DPP10: variants seen among roughly 807,000 people sequenced by gnomAD.
DPP10 encodes the protein dipeptidyl peptidase like 10, also known as inactive dipeptidyl peptidase 10.
DPP10 carries 33 observed loss-of-function variants against 120.9 expected under a neutral mutation model. The ratio of observed to expected loss-of-function variants is 0.27; its 90% CI spans 0.21 to 0.37. The LOEUF (loss-of-function observed/expected upper bound fraction) is 0.37, where lower values mean the gene tolerates loss of function less well. Among genes scored for constraint, DPP10 ranks in the 10% least tolerant of loss-of-function variants. DPP10 has a pLI of 1.00. For synonymous variants in DPP10, 337 were observed against 326.1 expected, an observed-to-expected ratio of 1.03 and a Z score of -0.36; for missense variants, 816 against 942.8, an observed-to-expected ratio of 0.87 and a Z score of 1.76.
intron 1 of DPP10, among the ~76,000 whole-genome samples, chr2:114,648,021 A>G (rs1558965137): frequency 6.6e-6 from 1 of 152,158 alleles, no homozygotes; most frequent in Non-Finnish European, 1.5e-5. Context: ...TATAACCATG[A>G]AATGTCTCCC....
chr2:114,665,669 T>G (rs1444015003), intron 1 of DPP10, among the ~76,000 whole-genome samples: 3 of 152,218 alleles, frequency 2.0e-5, no homozygotes, highest in African/African-American at 7.2e-5. Flanking sequence ...CTAATATTGT[T>G]ATTGTAAACT....
intron 7 of DPP10, among the ~76,000 whole-genome samples, chr2:115,727,549 G>C (rs2092795652): frequency 5.9e-5 from 9 of 152,078 alleles, no homozygotes; most frequent in Admixed American, 5.9e-4. Flanking sequence ...TTATTAAGTA[G>C]TTGAAATATT....
At chr2:115,062,353 A>G (rs1706485253) in intron 1 of DPP10, among the ~76,000 whole-genome samples, 1 of 152,208 alleles carries the variant, frequency 6.6e-6, no homozygotes, top group South Asian at 2.1e-4. Flanking sequence ...CATTTTAAAA[A>G]TAAGTTACAC....
intron 1 of DPP10, among the ~76,000 whole-genome samples, chr2:115,271,433 C>G (rs186372091): frequency 6.6e-6 from 1 of 152,148 alleles, no homozygotes; most frequent in Non-Finnish European, 1.5e-5. Flanking sequence ...AAACTGACTT[C>G]TAGAGTCTTT....
intron 1 of DPP10, among the ~76,000 whole-genome samples, chr2:115,071,037 T>C (rs941940815): frequency 1.3e-5 from 2 of 152,216 alleles, no homozygotes; most frequent in Non-Finnish European, 2.9e-5. Context: ...ATGTTGCAAT[T>C]AAATGTCTAT....
At chr2:114,614,686 C>A (rs1461628507) in intron 1 of DPP10, among the ~76,000 whole-genome samples, 1 of 152,086 alleles carries the variant, frequency 6.6e-6, no homozygotes, top group East Asian at 1.9e-4. Context: ...CGGGATACTC[C>A]GGGAAGTTCC....
intron 1 of DPP10, among the ~76,000 whole-genome samples, chr2:115,172,180 A>T (rs1177255367): frequency 1.3e-5 from 2 of 152,180 alleles, no homozygotes; most frequent in African/African-American, 2.4e-5. Flanking sequence ...TTCTTGGGAC[A>T]TTAATGGAAA....
chr2:114,982,809 G>A (rs1700170423), intron 1 of DPP10, among the ~76,000 whole-genome samples: 1 of 150,852 alleles, frequency 6.6e-6, no homozygotes, highest in Admixed American at 6.6e-5. Context: ...GTTTCGCCAT[G>A]TTGCCCAGGC....
At chr2:114,588,063 T>C (rs1303785376) in intron 1 of DPP10, among the ~76,000 whole-genome samples, 1 of 152,240 alleles carries the variant, frequency 6.6e-6, no homozygotes, top group Non-Finnish European at 1.5e-5. Flanking sequence ...CAAAATAATA[T>C]ACTGCTGACT....
intron 19 of DPP10, among the ~76,000 whole-genome samples, chr2:115,813,990 A>G (rs1559190484): frequency 6.6e-6 from 1 of 152,192 alleles, no homozygotes; most frequent in Non-Finnish European, 1.5e-5. Flanking sequence ...TAGATATTCT[A>G]TGTGATTGTT....
rs1688188228 is a variant in DPP10 at position 115,825,198 on chromosome 2, C to T, written c.1950+9469C>T. ...TCTTTGATTATAAGCATGCATTCCACCTTTCTACCTCAGTGTCTTTGTTCA... is the reference window on the plus strand; with the variant it reads ...TCTTTGATTATAAGCATGCATTCCATCTTTCTACCTCAGTGTCTTTGTTCA... On this transcript the variant is annotated intron_variant, in intron 21 of 25. Coordinates refer to ENST00000410059, the MANE Select transcript of DPP10 (RefSeq NM_020868.6). Among the ~76,000 whole-genome samples the T allele has an allele frequency of 2.6e-5, 4 of 152,164 alleles. No individual in the cohort carries two copies. In the South Asian group the frequency reaches 8.3e-4, roughly 32 times the overall value.
chr2:115,564,840 T>C (rs2080899645), intron 5 of DPP10, among the ~76,000 whole-genome samples: 1 of 152,212 alleles, frequency 6.6e-6, no homozygotes, highest in African/African-American at 2.4e-5. Context: ...CTTTTATTGA[T>C]AGAAGAATCA....
At chr2:115,292,064 A>G (rs1395323096) in intron 1 of DPP10, among the ~76,000 whole-genome samples, 1 of 152,142 alleles carries the variant, frequency 6.6e-6, no homozygotes, top group Non-Finnish European at 1.5e-5. Flanking sequence ...GTCTTATTCT[A>G]AAATATTTCT....
At chr2:114,657,184 A>C (rs1011084615) in intron 1 of DPP10, among the ~76,000 whole-genome samples, 1 of 152,196 alleles carries the variant, frequency 6.6e-6, no homozygotes, top group African/African-American at 2.4e-5. Flanking sequence ...ATATATTACC[A>C]TAAAAAGTTT....
intron 1 of DPP10, among the ~76,000 whole-genome samples, chr2:115,031,625 A>T (rs1703847498): frequency 6.6e-6 from 1 of 152,100 alleles, no homozygotes; most frequent in East Asian, 1.9e-4. Flanking sequence ...GAGCTAAGGA[A>T]TTTTTCTGTT....
At chr2:114,911,486 T>C (rs1050293269) in intron 1 of DPP10, among the ~76,000 whole-genome samples, 14 of 152,198 alleles carry the variant, frequency 9.2e-5, no homozygotes, top group African/African-American at 3.1e-4. Context: ...AATGGAAGGA[T>C]TGATTCATCA....
intron 1 of DPP10, among the ~76,000 whole-genome samples, chr2:114,790,558 G>T (rs1683148641): frequency 6.6e-6 from 1 of 152,118 alleles, no homozygotes; most frequent in Non-Finnish European, 1.5e-5. Flanking sequence ...GGCGGGCTGA[G>T]TCCGAAAAGA....
intron 7 of DPP10, among the ~76,000 whole-genome samples, chr2:115,705,208 G>A (rs1019451905): frequency 2.0e-5 from 3 of 151,844 alleles, no homozygotes; most frequent in South Asian, 4.2e-4. Context: ...AATTTTTCCC[G>A]AGTAGTATTT....
chr2:115,055,430 G>A (rs1031515035), intron 1 of DPP10, among the ~76,000 whole-genome samples: 1 of 152,198 alleles, frequency 6.6e-6, no homozygotes, highest in African/African-American at 2.4e-5. Context: ...CATTTCCAAT[G>A]AGGGTAGATT....
Sources: allele counts gnomAD v4.1 joint callset (sites outside exome capture counted in the v4.1 genomes callset), GRCh38; gene constraint gnomAD v4.1.1; transcripts MANE v1.5; gene names NCBI Gene and HGNC (gene_info 2026-07-23, HGNC 2026-07-21).